AMBP: variants seen among roughly 807,000 people sequenced by gnomAD.
AMBP encodes the protein protein AMBP.
A neutral mutation model predicts 46.3 loss-of-function variants in AMBP; 37 were observed. That is an observed-to-expected ratio of 0.80 (90% CI 0.61 to 1.05). AMBP has a LOEUF of 1.05. Among genes scored for constraint, AMBP ranks in the 50% least tolerant of loss-of-function variants. AMBP has a pLI of 0.00. For missense variants in AMBP, 475 were observed against 461.2 expected (o/e 1.03, Z -0.27); for synonymous variants, 174 against 175.9 (o/e 0.99, Z 0.09).
At chr9:114,070,102 A>G (rs1278733254) in intron 5 of AMBP, among the ~76,000 whole-genome samples, 5 of 152,242 alleles carry the variant, frequency 3.3e-5, no homozygotes, top group Non-Finnish European at 7.3e-5. Flanking sequence ...GGAAGGTGTT[A>G]TTATGCCCAA....
At chr9:114,067,613 AT>A (rs1490571286) in intron 6 of AMBP, among the ~76,000 whole-genome samples, 1 of 152,234 alleles carries the variant, frequency 6.6e-6, no homozygotes, top group African/African-American at 2.4e-5. Context: ...TAAGATGTTG[AT>A]TTTAATGATA....
intron 5 of AMBP, 72 bp downstream of exon 5, chr9:114,072,853 G>T: frequency 7.2e-7 from 1 of 1,394,758 alleles, no homozygotes; most frequent in Non-Finnish European, 1.0e-6. Context: ...GGACCCAGGG[G>T]CTGGGATGGT....
chr9:114,074,271 C>T (rs1454839883), intron 3 of AMBP, 119 bp from the exon 4 acceptor site: 1 of 714,464 alleles, frequency 1.4e-6, no homozygotes, highest in African/African-American at 1.8e-5. Context: ...TCCACCCATG[C>T]CTTCCATATC....
intron 7 of AMBP, 115 bp from the exon 8 acceptor site, chr9:114,061,706 T>C: frequency 3.1e-6 from 4 of 1,279,204 alleles, no homozygotes; most frequent in Non-Finnish European, 4.2e-6. Flanking sequence ...TTATCAATTC[T>C]TTTTAGATAA....
intron 2 of AMBP, among the ~76,000 whole-genome samples, chr9:114,075,987 T>C (rs1280948799): frequency 1.3e-5 from 2 of 151,996 alleles, no homozygotes. Context: ...GCAGGAGTTC[T>C]GGGTGCTGGG....
chr9:114,068,822 A>C (rs539236530), intron 6 of AMBP, among the ~76,000 whole-genome samples: 26 of 151,354 alleles, frequency 1.7e-4, no homozygotes, highest in Non-Finnish European at 2.9e-4. Context: ...AAAAAAAAAA[A>C]AAAAAAAAAA....
rs929526336 is a variant in AMBP at position 114,060,772 on chromosome 9, C to A, written c.1027+153G>T. 4.3e-6 allele frequency: 4 copies of A among 940,170 alleles called. No homozygotes were observed. In the Admixed American group the frequency reaches 9.9e-5, roughly 23 times the overall value. 58.2% of individuals were successfully genotyped at this position (940,170 alleles called of 1,614,324 possible). A position where few individuals can be genotyped will look rare whatever the true frequency, so the allele number is the denominator to read the frequency against. ...GGCCCAATTCCAGCTGGGGTAAGGC[C>A]CCAGGCTCAGCCCCATTTCAGAGAG... On this transcript the variant is annotated intron_variant, in intron 9 of 9. Transcript: ENST00000265132.
chr9:114,060,766 T>A, intron 9 of AMBP, 159 bp downstream of exon 9: 1 of 862,616 alleles, frequency 1.2e-6, no homozygotes, highest in Non-Finnish European at 1.8e-6. Flanking sequence ...CCAGCTGGGG[T>A]AAGGCCCCAG....
chr9:114,062,563 T>TA, intron 7 of AMBP, 114 bp downstream of exon 7: 9 of 1,070,484 alleles, frequency 8.4e-6, no homozygotes, highest in Non-Finnish European at 1.3e-5. Context: ...GTCCAGCCCT[T>TA]GAGTCTCTAA....
chr9:114,070,250 G>T (rs1052909407), intron 5 of AMBP, among the ~76,000 whole-genome samples: 2 of 152,192 alleles, frequency 1.3e-5, no homozygotes, highest in African/African-American at 4.8e-5. Context: ...GCAGTGGGGA[G>T]GCACGAGCAC....
Position 114,078,249 on chromosome 9 carries a change from G to T in AMBP, c.-40C>A. ...CTGCCTTGGTATATCCCACAGGCTC[G>T]GTCTAGCAACAGAAGGGCCACCGCC... On this transcript the variant is annotated 5_prime_UTR_variant, in exon 1 of 10. Coordinates refer to ENST00000265132, the MANE Select transcript of AMBP (RefSeq NM_001633.4). 2 of 1,584,466 alleles carry T rather than the reference G, an allele frequency of 1.3e-6. No individual in the cohort carries two copies. The highest frequency in any genetic ancestry group is 1.7e-4 in the Middle Eastern group (1 of 5,958).
intron 2 of AMBP, 64 bp downstream of exon 2, chr9:114,076,532 ACG>A: frequency 6.3e-7 from 1 of 1,577,790 alleles, no homozygotes; most frequent in Non-Finnish European, 8.6e-7. Context: ...CCCAGGATGG[ACG>A]GGGCTGGGAA....
At chr9:114,070,017 C>T (rs2134851597) in intron 5 of AMBP, 1 of 498,930 alleles carries the variant, frequency 2.0e-6, no homozygotes, top group East Asian at 3.4e-5. Context: ...ATAGCTAACA[C>T]TGACTGAGCA....
chr9:114,074,614 G>A (rs950062620), intron 3 of AMBP, among the ~76,000 whole-genome samples: 4 of 152,122 alleles, frequency 2.6e-5, no homozygotes, highest in African/African-American at 9.7e-5. Flanking sequence ...ATAAATTAAT[G>A]TCCAAATCCC....
chr9:114,074,013 C>A (rs1588491401), intron 4 of AMBP, 23 bp downstream of exon 4: 1 of 1,603,356 alleles, frequency 6.2e-7, no homozygotes, highest in Non-Finnish European at 8.5e-7. Flanking sequence ...CTCCAATGGG[C>A]ACATCTAGTA....
chr9:114,061,653 G>A (rs1355454618), intron 7 of AMBP, 62 bp from the exon 8 acceptor site: 5 of 1,490,202 alleles, frequency 3.4e-6, no homozygotes, highest in Non-Finnish European at 4.5e-6. Flanking sequence ...TATCAGGCTG[G>A]GCACTTGATA....
At chr9:114,064,239 A>G (rs1219904009) in intron 6 of AMBP, among the ~76,000 whole-genome samples, 2 of 152,200 alleles carry the variant, frequency 1.3e-5, no homozygotes, top group East Asian at 3.8e-4. Flanking sequence ...TATTTGTAGA[A>G]ATAGTCCCAC....
intron 9 of AMBP, among the ~76,000 whole-genome samples, chr9:114,060,528 CGTT>C (rs1016845909): frequency 3.3e-5 from 5 of 152,058 alleles, no homozygotes; most frequent in African/African-American, 4.8e-5. Context: ...GTATCGTTGT[CGTT>C]ATTATTAGGA....
Position 114,076,600 on chromosome 9 carries a change from CCAA to C in AMBP, c.255_257del (p.Trp86del). 6.2e-7 allele frequency: 1 copy of C among 1,613,550 alleles called. No homozygotes were observed. Among genetic ancestry groups the C allele is most frequent in the South Asian group, 1.1e-5 (1 of 91,054 alleles). Reference sequence around the variant, plus strand: ...TCCAGCCCCACCCTAGTGCTCACCGCCAACGAGTGCTGGTCATGCTGATCTCCG... The same window carrying C: ...TCCAGCCCCACCCTAGTGCTCACCGCCGAGTGCTGGTCATGCTGATCTCCG... On this transcript the variant is annotated inframe_deletion, in exon 2 of 10. Coordinates refer to ENST00000265132, the MANE Select transcript of AMBP (RefSeq NM_001633.4).
Sources: gnomAD v4.1 joint callset for allele counts (sites outside exome capture counted in the v4.1 genomes callset) on GRCh38, gnomAD v4.1.1 for gene constraint, MANE v1.5 for transcripts, NCBI Gene and HGNC (gene_info 2026-07-23, HGNC 2026-07-21) for gene names.